Variants in KALRN observed in about 807,000 individuals in gnomAD.
KALRN encodes the protein kalirin.
KALRN carries 70 observed loss-of-function variants against 353.7 expected under a neutral mutation model. That is an observed-to-expected ratio of 0.20 (90% confidence interval 0.16 to 0.24). The LOEUF is 0.24. Ranked by LOEUF, KALRN falls within the 10% of genes least tolerant of loss-of-function variation. KALRN has a pLI of 1.00. For missense variants in KALRN, 2,791 were observed against 3,756.7 expected (o/e 0.74, Z 6.72); for synonymous variants, 1,391 against 1,434.8 (o/e 0.97, Z 0.69).
chr3:124,085,085 A>C (rs1194844748), intron 1 of KALRN, among the ~76,000 whole-genome samples: 1 of 152,148 alleles, frequency 6.6e-6, no homozygotes, highest in Non-Finnish European at 1.5e-5. Flanking sequence ...TGATGCATAA[A>C]ACTCTTAAGT....
intron 1 of KALRN, among the ~76,000 whole-genome samples, chr3:124,200,372 A>G (rs2075838796): frequency 6.6e-6 from 1 of 152,236 alleles, no homozygotes; most frequent in Non-Finnish European, 1.5e-5. Context: ...TGGGAAATCC[A>G]GGATCAAGGT....
chr3:124,655,892 T>C (rs372500161), intron 39 of KALRN, among the ~76,000 whole-genome samples: 3 of 152,334 alleles, frequency 2.0e-5, no homozygotes, highest in East Asian at 3.9e-4. Flanking sequence ...GTTATAGCAT[T>C]TGGGGGAGCC....
At position 124,329,533 on chromosome 3, in the gene KALRN, G is replaced by A. The variant is rs560543765; in HGVS notation, c.1285-328G>A. 4.5e-4 allele frequency among the ~76,000 whole-genome samples: 68 copies of A among 152,292 alleles called. No individual in the cohort carries two copies. In the South Asian group the frequency reaches 8.5e-3, roughly 19 times the overall value. On this transcript the variant is annotated intron_variant, in intron 7 of 59. Transcript: ENST00000682506. ...TGGGGCAAGAAGCTCTAATGTATCC[G>A]TGGAATGTGGTGAGCTGTTTCCATA...
chr3:124,338,813 C>G (rs546905945), intron 9 of KALRN, among the ~76,000 whole-genome samples: 1 of 152,052 alleles, frequency 6.6e-6, no homozygotes, highest in East Asian at 1.9e-4. Context: ...AATCTGGGTG[C>G]TCCTGTATTG....
At chr3:124,096,471 G>C (rs2061458720) in intron 1 of KALRN, 1 of 152,220 alleles carries the variant, frequency 6.6e-6, no homozygotes, top group Non-Finnish European at 1.5e-5. Flanking sequence ...TAGAGGCTTA[G>C]AGACAATTTA....
chr3:124,308,601 G>GA (rs2077935317), intron 6 of KALRN, among the ~76,000 whole-genome samples: 1 of 151,656 alleles, frequency 6.6e-6, no homozygotes, highest in African/African-American at 2.4e-5. Context: ...AAGGAGAATT[G>GA]GAAACTAATT....
chr3:124,508,525 A>G (rs1469263769), intron 33 of KALRN, among the ~76,000 whole-genome samples: 1 of 152,160 alleles, frequency 6.6e-6, no homozygotes, highest in Non-Finnish European at 1.5e-5. Context: ...TCATCATTAT[A>G]TAGTATTCCA....
intron 1 of KALRN, among the ~76,000 whole-genome samples, chr3:124,208,877 G>C (rs970975542): frequency 6.6e-6 from 1 of 151,858 alleles, no homozygotes; most frequent in Admixed American, 6.6e-5. Context: ...GATGTGGGAG[G>C]ATTGCTTGAG....
chr3:124,431,841 C>T (rs2093290517), intron 16 of KALRN, among the ~76,000 whole-genome samples: 1 of 152,110 alleles, frequency 6.6e-6, no homozygotes, highest in Non-Finnish European at 1.5e-5. Flanking sequence ...ATTTAATTTC[C>T]CGGAAACCAT....
chr3:124,451,925 A>C (rs963010108), intron 21 of KALRN, among the ~76,000 whole-genome samples: 1 of 152,204 alleles, frequency 6.6e-6, no homozygotes, highest in African/African-American at 2.4e-5. Flanking sequence ...CTCTGCAAGC[A>C]ATCACCCAGA....
At chr3:124,495,963 A>ATATATATATATATATG (rs1561135731) in intron 32 of KALRN, among the ~76,000 whole-genome samples, 2 of 26,208 alleles carry the variant, frequency 7.6e-5, no homozygotes, top group African/African-American at 3.7e-4. Context: ...ATGTGTATGT[A>ATATATATATATATATG]TGTATATATA....
intron 1 of KALRN, among the ~76,000 whole-genome samples, chr3:124,118,897 G>C (rs2063714040): frequency 6.6e-6 from 1 of 152,208 alleles, no homozygotes; most frequent in South Asian, 2.1e-4. Context: ...CATTTTACAA[G>C]TAGGACGTGG....
In KALRN at chr3:124,490,791, G is replaced by T; in HGVS notation, c.4494G>T (p.Arg1498=). 6.2e-7 allele frequency: 1 copy of T among 1,613,972 alleles called. No homozygotes were observed. The highest frequency in any genetic ancestry group is 1.1e-5 in the South Asian group (1 of 91,070). Residue 1498 remains arginine (R), a synonymous_variant, in exon 30 of 60, where the codon CGG becomes CGT. Coordinates refer to ENST00000682506, the MANE Select transcript of KALRN (RefSeq NM_001388419.1). ...CGCTGATCCGGAAGGGGCGGGAGCG[G>T]CACTTGTTCCTCTTTGAGATCTCCT... ...PKSLIRKGRE[R]HLFLFEISLV...
rs1205629849 is a variant in KALRN, at chr3:124,496,427, C to T, written c.4935+14C>T. On this transcript the variant is annotated intron_variant, in intron 33 of 59. Coordinates refer to ENST00000682506, the MANE Select transcript of KALRN (RefSeq NM_001388419.1). ...GACAGTGACAAGGTAGGACAGAGTC[C>T]TAACCTTCCTTCCCCTGAGACTTCT... 2.5e-6 allele frequency: 4 copies of T among 1,585,522 alleles called. No homozygotes were observed. The Admixed American group carries it at 6.7e-5, about 26-fold the overall frequency.
At chr3:124,590,325 C>G (rs981954594) in intron 34 of KALRN, among the ~76,000 whole-genome samples, 1 of 152,158 alleles carries the variant, frequency 6.6e-6, no homozygotes, top group African/African-American at 2.4e-5. Flanking sequence ...TCCTGTGGTA[C>G]AGCTGCATGC....
chr3:124,276,665 G>A (rs1213570041), intron 5 of KALRN, among the ~76,000 whole-genome samples: 1 of 152,172 alleles, frequency 6.6e-6, no homozygotes, highest in Non-Finnish European at 1.5e-5. Context: ...AATGTTCAAA[G>A]TATTTTCACA....
intron 1 of KALRN, among the ~76,000 whole-genome samples, chr3:124,109,595 A>AT (rs1245811182): frequency 2.6e-5 from 4 of 151,114 alleles, no homozygotes; most frequent in Admixed American, 6.6e-5. Context: ...TTATGGGTTG[A>AT]TTTTTTTTCC....
At chr3:124,468,111 G>A (rs931321673) in intron 25 of KALRN, among the ~76,000 whole-genome samples, 1 of 152,076 alleles carries the variant, frequency 6.6e-6, no homozygotes, top group African/African-American at 2.4e-5. Context: ...AATGAGCAAG[G>A]TGGTGTTTTT....
At chr3:124,489,884 C>T (rs1330235691) in intron 29 of KALRN, among the ~76,000 whole-genome samples, 1 of 152,202 alleles carries the variant, frequency 6.6e-6, no homozygotes, top group Non-Finnish European at 1.5e-5. Flanking sequence ...AGTTTGAGAG[C>T]ATCTCTTAAA....
Sources: gnomAD v4.1 joint callset for allele counts (sites outside exome capture counted in the v4.1 genomes callset) on GRCh38, gnomAD v4.1.1 for gene constraint, MANE v1.5 for transcripts, NCBI Gene and HGNC (gene_info 2026-07-23, HGNC 2026-07-21) for gene names.